KIRREL3: variants seen among roughly 807,000 people sequenced by gnomAD.
KIRREL3 encodes the protein kirre like nephrin family adhesion molecule 3.
In KIRREL3, 36 loss-of-function variants were observed where a neutral mutation model predicts 89.7. That is an observed-to-expected ratio of 0.40 (90% CI 0.31 to 0.53). The LOEUF is 0.53. KIRREL3 is among the 20% of genes least tolerant of loss of function. KIRREL3 has a pLI of 0.49. For missense variants in KIRREL3, 864 were observed against 1,056.6 expected (o/e 0.82, Z 2.53); for synonymous variants, 445 against 441.4 (o/e 1.01, Z -0.10).
chr11:126,461,725 C>T (rs564713459), intron 6 of KIRREL3, among the ~76,000 whole-genome samples: 1 of 152,142 alleles, frequency 6.6e-6, no homozygotes, highest in Non-Finnish European at 1.5e-5. Flanking sequence ...CCAAGATGAG[C>T]TCTCAGAACC....
In KIRREL3 at chr11:127,000,400, G is replaced by A. The variant is rs1214724340; in HGVS notation, c.55+55C>T. Reference sequence around the variant, plus strand: ...CCCACGTTCCTGCCCACAGCCTCCCGCGCCCTGACAACCCAGCCGACTTTC... The same window carrying A: ...CCCACGTTCCTGCCCACAGCCTCCCACGCCCTGACAACCCAGCCGACTTTC... On this transcript the variant is annotated intron_variant, in intron 1 of 16. Coordinates refer to ENST00000525144, the MANE Select transcript of KIRREL3 (RefSeq NM_032531.4). The surrounding 1 kb of genome is among the most constrained non-coding windows in gnomAD (Gnocchi z 7.1). 4.8e-5 allele frequency: 71 copies of A among 1,493,890 alleles called. No homozygotes were observed. Among genetic ancestry groups the A allele is most frequent in the Non-Finnish European group, 6.5e-5 (71 of 1,097,654 alleles). 92.5% of individuals were successfully genotyped at this position (1,493,890 alleles called of 1,614,324 possible). A position where few individuals can be genotyped will look rare whatever the true frequency, so the allele number is the denominator to read the frequency against.
chr11:126,604,405 A>G (rs1942802307), intron 1 of KIRREL3, among the ~76,000 whole-genome samples: 1 of 152,350 alleles, frequency 6.6e-6, no homozygotes, highest in South Asian at 2.1e-4. Flanking sequence ...AAGAGCTGCC[A>G]TTTGTTGAAC....
Position 126,526,838 on chromosome 11 carries a change from C to T in KIRREL3, c.134-151G>A, listed in dbSNP as rs183484410. Among the ~76,000 whole-genome samples the T allele has an allele frequency of 3.9e-5, 6 of 152,300 alleles. No individual in the cohort carries two copies. Among genetic ancestry groups the T allele is most frequent in the African/African-American group, 1.4e-4 (6 of 41,556 alleles). On this transcript the variant is annotated intron_variant, in intron 2 of 16. Coordinates refer to ENST00000525144, the MANE Select transcript of KIRREL3 (RefSeq NM_032531.4). The surrounding 1 kb of genome is among the most constrained non-coding windows in gnomAD (Gnocchi z 5.7). ...CCTGCTGAGGGTCTGGTAGAGCTTCCTAACTGGTCTCAGCCCCAGCTCTAT... is the reference window on the plus strand; with the variant it reads ...CCTGCTGAGGGTCTGGTAGAGCTTCTTAACTGGTCTCAGCCCCAGCTCTAT...
At chr11:126,515,000 G>C (rs1263497843) in intron 4 of KIRREL3, among the ~76,000 whole-genome samples, 1 of 152,192 alleles carries the variant, frequency 6.6e-6, no homozygotes, top group Non-Finnish European at 1.5e-5. Flanking sequence ...AACATTTACT[G>C]AACACCCAGT....
At chr11:126,517,136 A>AAGAGAGAAAGAGAGAGAGAGAGAGAGAG (rs1958437696) in intron 4 of KIRREL3, among the ~76,000 whole-genome samples, 32 of 140,902 alleles carry the variant, frequency 2.3e-4, no homozygotes, top group Non-Finnish European at 3.4e-4. Context: ...GAGAGAGAGA[A>AAGAGAGAAAGAGAGAGAGAGAGAGAGAG]AGAGAGAGAG....
chr11:126,794,181 T>C (rs2134368487), intron 1 of KIRREL3, among the ~76,000 whole-genome samples: 1 of 152,378 alleles, frequency 6.6e-6, no homozygotes, highest in South Asian at 2.1e-4. Context: ...CTGGGATTAA[T>C]TTTTAAAATA....
rs577389658 is a variant in KIRREL3 at position 126,478,024 on chromosome 11, G to A, written c.434-4558C>T. ...TTCCCGCTGAAGGAGAGTAGGTGTT[G>A]CCTGCAAGCACCAGCACTTACGGCC... is the stretch of plus-strand genomic sequence containing the variant. On this transcript the variant is annotated intron_variant, in intron 4 of 16. Coordinates refer to ENST00000525144, the MANE Select transcript of KIRREL3 (RefSeq NM_032531.4). Among the ~76,000 whole-genome samples, 12 of 152,340 alleles carry A rather than the reference G, an allele frequency of 7.9e-5. No homozygotes were observed. In the East Asian group the frequency reaches 9.6e-4, roughly 12 times the overall value.
chr11:126,517,844 C>G (rs1344311476), intron 4 of KIRREL3, among the ~76,000 whole-genome samples: 2 of 152,220 alleles, frequency 1.3e-5, no homozygotes, highest in Non-Finnish European at 2.9e-5. Flanking sequence ...AACAGGGCCA[C>G]TGTCACACAG....
At chr11:126,800,974 G>T (rs1328179875) in intron 1 of KIRREL3, among the ~76,000 whole-genome samples, 1 of 152,202 alleles carries the variant, frequency 6.6e-6, no homozygotes, top group Non-Finnish European at 1.5e-5. Context: ...ATTTAGGAGT[G>T]AGGACACGGG....
At chr11:126,595,949 C>T (rs769663997) in intron 1 of KIRREL3, among the ~76,000 whole-genome samples, 3 of 152,178 alleles carry the variant, frequency 2.0e-5, no homozygotes, top group Non-Finnish European at 2.9e-5. Flanking sequence ...GATTAAGGGT[C>T]ACAATATAGG....
intron 1 of KIRREL3, among the ~76,000 whole-genome samples, chr11:126,959,303 A>G (rs981275556): frequency 2.0e-5 from 3 of 152,190 alleles, no homozygotes; most frequent in Non-Finnish European, 4.4e-5. Context: ...TATCTAGTCT[A>G]TCTCTGTATT....
At position 126,668,698 on chromosome 11, in the gene KIRREL3, T is replaced by TTTCC; in HGVS notation, c.56-105787_56-105786insGGAA. Among the ~76,000 whole-genome samples, 3 of 40,468 alleles carry TTTCC rather than the reference T, an allele frequency of 7.4e-5. No homozygotes were observed. The South Asian group carries it at 6.1e-3, about 83-fold the overall frequency. 26.5% of individuals were successfully genotyped at this position (40,468 alleles called of 152,430 possible). The stretch of plus-strand genomic sequence containing the variant: ...AGCTGTTGGGAAGTTTCTGTTTTTC[T>TTTCC]TTCTTTCTTTCTTTCTTTCTTTCTT... On this transcript the variant is annotated intron_variant, in intron 1 of 16. Coordinates refer to ENST00000525144, the MANE Select transcript of KIRREL3 (RefSeq NM_032531.4). This position sits in a 1 kb window ranked among gnomAD's most constrained non-coding sequence, Gnocchi z 4.4.
chr11:126,502,117 C>T (rs926060280), intron 4 of KIRREL3, among the ~76,000 whole-genome samples: 13 of 152,312 alleles, frequency 8.5e-5, no homozygotes, highest in Admixed American at 2.6e-4. Flanking sequence ...GGAAGCTAAC[C>T]GGATCCATCC....
At position 126,914,895 on chromosome 11, in the gene KIRREL3, A is replaced by G. The variant is rs116029119; in HGVS notation, c.55+85560T>C. ...TTGAAAAGTAGCACAAGATTAGACA[A>G]TTAACATTTTAATGTTGTATATTCA... On this transcript the variant is annotated intron_variant, in intron 1 of 16. Coordinates refer to ENST00000525144, the MANE Select transcript of KIRREL3 (RefSeq NM_032531.4). Among the ~76,000 whole-genome samples the G allele has an allele frequency of 4.0e-3, 614 of 152,344 alleles. 3 individuals carry two copies. Among genetic ancestry groups the G allele is most frequent in the African/African-American group, 0.014 (573 of 41,578 alleles).
At position 126,747,284 on chromosome 11, in the gene KIRREL3, G is replaced by A. The variant is rs1469891360; in HGVS notation, c.56-184372C>T. ...ACACAATCAGTGTATACTTACAAAG[G>A]CTGTTGTATGAGGATTAAATAAAAT... On this transcript the variant is annotated intron_variant, in intron 1 of 16. Coordinates refer to ENST00000525144, the MANE Select transcript of KIRREL3 (RefSeq NM_032531.4). This position sits in a 1 kb window ranked among gnomAD's most constrained non-coding sequence, Gnocchi z 4.7. Among the ~76,000 whole-genome samples, 1 of 152,212 alleles carries A rather than the reference G, an allele frequency of 6.6e-6. No individual in the cohort carries two copies. The highest frequency in any genetic ancestry group is 1.5e-5 in the Non-Finnish European group (1 of 68,036).
At position 126,642,225 on chromosome 11, in the gene KIRREL3, A is replaced by AT. The variant is rs1944498182; in HGVS notation, c.56-79314dup. Among the ~76,000 whole-genome samples, 1 of 152,114 alleles carries AT rather than the reference A, an allele frequency of 6.6e-6. No homozygotes were observed. Among genetic ancestry groups the AT allele is most frequent in the South Asian group, 2.1e-4 (1 of 4,824 alleles). On this transcript the variant is annotated intron_variant, in intron 1 of 16. Coordinates refer to ENST00000525144, the MANE Select transcript of KIRREL3 (RefSeq NM_032531.4). The surrounding 1 kb of genome is among the most constrained non-coding windows in gnomAD (Gnocchi z 4.9). ...CCTGCCTTCTAGTCCAAACTTCAAAATCCTTCCTGCACTGGTCTCATTGGG... is the reference window on the plus strand; with the variant it reads ...CCTGCCTTCTAGTCCAAACTTCAAAATTCCTTCCTGCACTGGTCTCATTGGG...
At chr11:126,863,920 G>A (rs1346898259) in intron 1 of KIRREL3, among the ~76,000 whole-genome samples, 1 of 152,198 alleles carries the variant, frequency 6.6e-6, no homozygotes, top group Non-Finnish European at 1.5e-5. Context: ...CCTAGAGCCA[G>A]GGGGCCAGGA....
intron 1 of KIRREL3, among the ~76,000 whole-genome samples, chr11:126,939,809 T>C (rs1939992): frequency 0.79 from 120,660 of 152,110 alleles, 48,018 homozygotes; most frequent in South Asian, 0.83. Flanking sequence ...TCACCATGAA[T>C]GTAATGAATC....
At position 126,566,944 on chromosome 11, in the gene KIRREL3, AG is replaced by A. The variant is rs1940563842; in HGVS notation, c.56-4033del. 6.6e-6 allele frequency among the ~76,000 whole-genome samples: 1 copy of A among 152,204 alleles called. No individual in the cohort carries two copies. The highest frequency in any genetic ancestry group is 1.5e-5 in the Non-Finnish European group (1 of 68,040). On this transcript the variant is annotated intron_variant, in intron 1 of 16. Coordinates refer to ENST00000525144, the MANE Select transcript of KIRREL3 (RefSeq NM_032531.4). This position sits in a 1 kb window ranked among gnomAD's most constrained non-coding sequence, Gnocchi z 4.9. ...AGTGACAATTTAAGGCCAACACACT[AG>A]CTGGTGATAGTGCCCATGCTGGAAC...
Sources: allele counts gnomAD v4.1 joint callset (sites outside exome capture counted in the v4.1 genomes callset), GRCh38; gene constraint gnomAD v4.1.1; non-coding constraint Gnocchi (gnomAD v3.1); transcripts MANE v1.5; gene names NCBI Gene and HGNC (gene_info 2026-07-23, HGNC 2026-07-21).